RBFOX1: variants seen among roughly 807,000 people sequenced by gnomAD.
RBFOX1 encodes the protein RNA binding fox-1 homolog 1, also known as RNA binding protein fox-1 homolog 1.
RBFOX1 carries 8 observed loss-of-function variants against 57.7 expected under a neutral mutation model. The observed-to-expected ratio is 0.14, with a 90% confidence interval of 0.08 to 0.25. The LOEUF (loss-of-function observed/expected upper bound fraction) is 0.25, where lower values mean the gene tolerates loss of function less well. RBFOX1 is among the 10% of genes least tolerant of loss of function. The pLI is 1.00. For synonymous variants in RBFOX1, 326 were observed against 222.4 expected (o/e 1.47, Z -4.15); for missense variants, 611 against 548.5 (o/e 1.11, Z -1.14).
At chr16:5,381,104 A>C (rs1232087204) in intron 1 of RBFOX1, among the ~76,000 whole-genome samples, 1 of 152,206 alleles carries the variant, frequency 6.6e-6, no homozygotes. Context: ...ACTGGAGAGG[A>C]CAGGATGCTG....
At chr16:7,126,538 C>T (rs908535940) in intron 4 of RBFOX1, 5 of 218,266 alleles carry the variant, frequency 2.3e-5, no homozygotes, top group Non-Finnish European at 4.8e-5. Flanking sequence ...TCTTAATGGC[C>T]TTGTCTTTGG....
At chr16:6,328,339 C>T (rs543441996) in intron 2 of RBFOX1, among the ~76,000 whole-genome samples, 139 of 152,186 alleles carry the variant, frequency 9.1e-4, no homozygotes, top group African/African-American at 1.5e-3. Flanking sequence ...GTATACTCCT[C>T]GGGTGATGGG....
chr16:7,465,025 C>T (rs1397202636), intron 4 of RBFOX1, among the ~76,000 whole-genome samples: 3 of 151,856 alleles, frequency 2.0e-5, no homozygotes, highest in African/African-American at 4.8e-5. Context: ...CTTGGAATTG[C>T]CTTAAGCTAG....
intron 4 of RBFOX1, among the ~76,000 whole-genome samples, chr16:7,193,102 G>A (rs1334600622): frequency 6.6e-6 from 1 of 152,216 alleles, no homozygotes; most frequent in Non-Finnish European, 1.5e-5. Flanking sequence ...TGTAGAGTTA[G>A]GCTTGCTAAT....
chr16:6,872,576 A>T (rs1016217334), intron 3 of RBFOX1, among the ~76,000 whole-genome samples: 1 of 152,142 alleles, frequency 6.6e-6, no homozygotes, highest in Non-Finnish European at 1.5e-5. Flanking sequence ...AAAGATAAGA[A>T]CGTTTGGAAC....
chr16:6,793,075 A>G (rs545217097), intron 3 of RBFOX1, among the ~76,000 whole-genome samples: 42 of 151,924 alleles, frequency 2.8e-4, no homozygotes, highest in Non-Finnish European at 5.4e-4. Flanking sequence ...TCTGTTAGCC[A>G]CTTGGATGCT....
chr16:5,766,080 C>A (rs187560158), intron 3 of RBFOX1, among the ~76,000 whole-genome samples: 2 of 152,162 alleles, frequency 1.3e-5, no homozygotes, highest in African/African-American at 4.8e-5. Flanking sequence ...AGAGTTCTGT[C>A]CTCCCGACCA....
chr16:5,303,583 C>T (rs2063858023), intron 1 of RBFOX1, among the ~76,000 whole-genome samples: 1 of 152,114 alleles, frequency 6.6e-6, no homozygotes, highest in Admixed American at 6.5e-5. Flanking sequence ...AGACATGCTT[C>T]TGATGTTGAG....
At chr16:5,489,431 A>G (rs145963562) in intron 2 of RBFOX1, among the ~76,000 whole-genome samples, 32 of 152,332 alleles carry the variant, frequency 2.1e-4, no homozygotes, top group African/African-American at 7.7e-4. Flanking sequence ...AGGTTAAAAG[A>G]ACAGTTCTGA....
intron 4 of RBFOX1, among the ~76,000 whole-genome samples, chr16:7,424,786 C>T (rs1183694036): frequency 6.6e-6 from 1 of 152,148 alleles, no homozygotes; most frequent in African/African-American, 2.4e-5. Flanking sequence ...ACAGTGCCAG[C>T]TGAAACAATC....
intron 1 of RBFOX1, among the ~76,000 whole-genome samples, chr16:6,090,963 G>C (rs1395806366): frequency 6.6e-6 from 1 of 152,226 alleles, no homozygotes; most frequent in African/African-American, 2.4e-5. Flanking sequence ...GGAAGCATGT[G>C]ATATTTTGGT....
chr16:7,355,209 G>C (rs994076798), intron 4 of RBFOX1, among the ~76,000 whole-genome samples: 3 of 152,152 alleles, frequency 2.0e-5, no homozygotes, highest in African/African-American at 7.2e-5. Flanking sequence ...AGTTGGCTTT[G>C]TGCTCCTCGT....
At chr16:7,450,997 G>T (rs539024482) in intron 4 of RBFOX1, among the ~76,000 whole-genome samples, 1 of 152,186 alleles carries the variant, frequency 6.6e-6, no homozygotes, top group African/African-American at 2.4e-5. Context: ...TCACTGTTCT[G>T]ATTAGATAAG....
chr16:6,548,244 C>G (rs1320126570), intron 2 of RBFOX1, among the ~76,000 whole-genome samples: 2 of 151,996 alleles, frequency 1.3e-5, no homozygotes, highest in Non-Finnish European at 2.9e-5. Flanking sequence ...TTTTGTTTTG[C>G]TAGATGTCAG....
intron 4 of RBFOX1, among the ~76,000 whole-genome samples, chr16:7,123,493 T>C (rs955792350): frequency 6.6e-6 from 1 of 152,072 alleles, no homozygotes; most frequent in African/African-American, 2.4e-5. Flanking sequence ...GCTTCCTGAG[T>C]AGCTGAGACT....
chr16:6,948,398 T>TG, intron 3 of RBFOX1, among the ~76,000 whole-genome samples: 1 of 140,748 alleles, frequency 7.1e-6, no homozygotes, highest in African/African-American at 2.7e-5. Flanking sequence ...TTTTTTTTTT[T>TG]TTTTTTGAGG....
intron 3 of RBFOX1, among the ~76,000 whole-genome samples, chr16:5,651,920 G>C (rs61534084): frequency 6.6e-6 from 1 of 152,148 alleles, no homozygotes; most frequent in Non-Finnish European, 1.5e-5. Flanking sequence ...ATCGCTTGAG[G>C]TCAGGAGTTC....
chr16:6,074,091 G>A (rs1370676192), intron 1 of RBFOX1, among the ~76,000 whole-genome samples: 4 of 152,202 alleles, frequency 2.6e-5, no homozygotes, highest in African/African-American at 7.2e-5. Flanking sequence ...TGGGACTATA[G>A]GCGCCCGCCA....
chr16:5,605,259 T>C (rs77536766), intron 3 of RBFOX1, among the ~76,000 whole-genome samples: 2,968 of 152,298 alleles, frequency 0.019, 96 homozygotes, highest in African/African-American at 0.068. Flanking sequence ...GACTTTGGCT[T>C]CCGTGTCTGT....
Sources: allele counts gnomAD v4.1 joint callset (sites outside exome capture counted in the v4.1 genomes callset), GRCh38; gene constraint gnomAD v4.1.1; transcripts MANE v1.5; gene names NCBI Gene and HGNC (gene_info 2026-07-23, HGNC 2026-07-21).